DLGAP1: variants seen among roughly 807,000 people sequenced by gnomAD.
The protein encoded by DLGAP1 is disks large-associated protein 1.
DLGAP1 carries 11 observed loss-of-function variants against 90.8 expected under a neutral mutation model. The ratio of observed to expected loss-of-function variants is 0.12; its 90% CI spans 0.08 to 0.20. The LOEUF (loss-of-function observed/expected upper bound fraction) is 0.20. Among genes scored for constraint, DLGAP1 ranks in the 10% least tolerant of loss-of-function variants. The pLI is 1.00. For missense variants in DLGAP1, 1,050 were observed against 1,333.8 expected, an observed-to-expected ratio of 0.79 and a Z score of 3.31; for synonymous variants, 558 against 540.7, an observed-to-expected ratio of 1.03 and a Z score of -0.44.
intron 1 of DLGAP1, among the ~76,000 whole-genome samples, chr18:4,156,115 C>T (rs2076751585): frequency 2.0e-5 from 3 of 152,158 alleles, no homozygotes; most frequent in Admixed American, 6.5e-5. Context: ...GTGACCTCGA[C>T]GTCGCTGGAG....
intron 3 of DLGAP1, among the ~76,000 whole-genome samples, chr18:3,994,939 C>T (rs769651055): frequency 7.9e-5 from 12 of 152,226 alleles, no homozygotes; most frequent in Middle Eastern, 3.4e-3. Context: ...ATTTAAAAAG[C>T]GAGAGAACTT....
At chr18:3,733,110 C>T (rs544682004) in intron 6 of DLGAP1, among the ~76,000 whole-genome samples, 2 of 152,206 alleles carry the variant, frequency 1.3e-5, no homozygotes, top group South Asian at 4.2e-4. Flanking sequence ...TCAGTACTAC[C>T]CCTGCCCACA....
chr18:4,437,940 C>A (rs1010367192), intron 1 of DLGAP1, among the ~76,000 whole-genome samples: 5 of 152,182 alleles, frequency 3.3e-5, no homozygotes, highest in Admixed American at 3.3e-4. Flanking sequence ...GGCATTTCTA[C>A]TTGCTTCTTA....
chr18:4,096,715 G>A (rs1225345099), intron 2 of DLGAP1, among the ~76,000 whole-genome samples: 1 of 152,142 alleles, frequency 6.6e-6, no homozygotes, highest in East Asian at 1.9e-4. Context: ...TTCTCGTGAC[G>A]TGACTCACAG....
At chr18:3,874,983 G>C (rs2070959921) in intron 4 of DLGAP1, among the ~76,000 whole-genome samples, 2 of 152,120 alleles carry the variant, frequency 1.3e-5, no homozygotes, top group South Asian at 4.1e-4. Flanking sequence ...ATTTTCTATA[G>C]AATCATGGCA....
rs182939400 is a variant in DLGAP1 at position 3,547,030 on chromosome 18, G to A, written c.2058-12415C>T. 1.5e-3 allele frequency among the ~76,000 whole-genome samples: 231 copies of A among 152,014 alleles called. 2 individuals are homozygous for A. Among genetic ancestry groups the A allele is most frequent in the Non-Finnish European group, 1.6e-4 (11 of 67,986 alleles). Reference sequence around the variant, plus strand: ...AATATCAGAAATGAGAGCCGGGCGCGGTGGCTCACGCCTGTAATCCCAGCA... The same window carrying A: ...AATATCAGAAATGAGAGCCGGGCGCAGTGGCTCACGCCTGTAATCCCAGCA... On this transcript the variant is annotated intron_variant, in intron 9 of 12. Coordinates refer to ENST00000315677, the MANE Select transcript of DLGAP1 (RefSeq NM_004746.4).
At chr18:3,521,236 A>G (rs2051166437) in intron 10 of DLGAP1, among the ~76,000 whole-genome samples, 1 of 152,144 alleles carries the variant, frequency 6.6e-6, no homozygotes. Context: ...CAATCCATCC[A>G]TAGTGTAAAT....
At chr18:3,579,774 C>T (rs899989012) in intron 8 of DLGAP1, among the ~76,000 whole-genome samples, 1 of 152,196 alleles carries the variant, frequency 6.6e-6, no homozygotes, top group African/African-American at 2.4e-5. Flanking sequence ...GAGAAGCCTA[C>T]TGAGTTTTCT....
intron 7 of DLGAP1, among the ~76,000 whole-genome samples, chr18:3,635,131 C>T (rs1434254695): frequency 6.9e-5 from 10 of 145,124 alleles, no homozygotes; most frequent in Admixed American, 6.7e-4. Flanking sequence ...TTGTCTGTCC[C>T]ATTTTTTTTT....
intron 9 of DLGAP1, among the ~76,000 whole-genome samples, chr18:3,540,142 T>C (rs1487523830): frequency 2.6e-5 from 4 of 151,984 alleles, no homozygotes; most frequent in Non-Finnish European, 5.9e-5. Context: ...CAGATCAAAA[T>C]AAGGCACGGG....
intron 3 of DLGAP1, among the ~76,000 whole-genome samples, chr18:3,923,171 C>A (rs113386383): frequency 0.014 from 2,064 of 149,718 alleles, 30 homozygotes; most frequent in South Asian, 0.031. Flanking sequence ...AATTTTGCTC[C>A]CACTAACAGT....
At position 3,664,681 on chromosome 18, in the gene DLGAP1, T is replaced by A. The variant is rs1345709819; in HGVS notation, c.1591+64454A>T. On this transcript the variant is annotated intron_variant, in intron 7 of 12. Transcript: ENST00000315677. Reference sequence around the variant, plus strand: ...CTCTTTCTTTCAGCGCAGTTATCTCTGTGATTATTTGATTGACGCTAGTCT... The same window carrying A: ...CTCTTTCTTTCAGCGCAGTTATCTCAGTGATTATTTGATTGACGCTAGTCT... 2.0e-5 allele frequency among the ~76,000 whole-genome samples: 3 copies of A among 152,232 alleles called. 1 individual carries two copies. The highest frequency in any genetic ancestry group is 7.2e-5 in the African/African-American group (3 of 41,470).
intron 1 of DLGAP1, among the ~76,000 whole-genome samples, chr18:4,203,930 A>G (rs1467834339): frequency 6.6e-6 from 1 of 152,210 alleles, no homozygotes; most frequent in Admixed American, 6.5e-5. Flanking sequence ...GCACTGAATT[A>G]ATGCTTCAGC....
intron 8 of DLGAP1, among the ~76,000 whole-genome samples, chr18:3,577,248 G>A (rs763680707): frequency 3.9e-5 from 6 of 152,166 alleles, no homozygotes; most frequent in Non-Finnish European, 8.8e-5. Context: ...CTCACAGTCT[G>A]AGCACGGGCT....
At chr18:3,715,082 C>T (rs1273615602) in intron 7 of DLGAP1, among the ~76,000 whole-genome samples, 1 of 152,156 alleles carries the variant, frequency 6.6e-6, no homozygotes, top group African/African-American at 2.4e-5. Context: ...GGCAGTGTAA[C>T]CATATGAATG....
chr18:4,091,342 G>C (rs1264763324), intron 2 of DLGAP1, among the ~76,000 whole-genome samples: 1 of 152,152 alleles, frequency 6.6e-6, no homozygotes, highest in African/African-American at 2.4e-5. Flanking sequence ...ATGGTGTGTA[G>C]GTGTGTGGAT....
intron 1 of DLGAP1, among the ~76,000 whole-genome samples, chr18:4,249,224 CCT>C (rs1192938081): frequency 6.6e-6 from 1 of 152,172 alleles, no homozygotes; most frequent in African/African-American, 2.4e-5. Flanking sequence ...CAAATTTCAG[CCT>C]CTTTTGCTCA....
In DLGAP1 at chr18:3,798,413, TAGGGAC is replaced by T. The variant is rs561713199; in HGVS notation, c.1172+15640_1172+15645del. 2.0e-3 allele frequency among the ~76,000 whole-genome samples: 306 copies of T among 152,206 alleles called. 1 individual carries two copies. The highest frequency in any genetic ancestry group is 7.2e-3 in the African/African-American group (300 of 41,516). On this transcript the variant is annotated intron_variant, in intron 5 of 12. Coordinates refer to ENST00000315677, the MANE Select transcript of DLGAP1 (RefSeq NM_004746.4). Reference sequence around the variant, plus strand: ...ATGAGGGAAGGAAGTACCTTCCTTTTAGGGACAGGGACAGGGACAGAGATGGACCTA... The same window carrying T: ...ATGAGGGAAGGAAGTACCTTCCTTTTAGGGACAGGGACAGAGATGGACCTA...
At chr18:3,980,341 C>T (rs2073699701) in intron 3 of DLGAP1, among the ~76,000 whole-genome samples, 1 of 151,950 alleles carries the variant, frequency 6.6e-6, no homozygotes, top group Non-Finnish European at 1.5e-5. Context: ...CAGCCCAGTT[C>T]CAAACTGGAG....
Sources: gnomAD v4.1 joint callset for allele counts (sites outside exome capture counted in the v4.1 genomes callset) on GRCh38, gnomAD v4.1.1 for gene constraint, MANE v1.5 for transcripts, NCBI Gene and HGNC (gene_info 2026-07-23, HGNC 2026-07-21) for gene names.